TMEM209: variants seen among roughly 807,000 people sequenced by gnomAD.
TMEM209 encodes testicular tissue protein Li 202.
Under a neutral mutation model 76.2 loss-of-function variants are expected in TMEM209, and 65 were observed. The ratio of observed to expected loss-of-function variants is 0.85; its 90% CI spans 0.70 to 1.05. The LOEUF (loss-of-function observed/expected upper bound fraction) is 1.05, where lower values mean the gene tolerates loss of function less well. Among genes scored for constraint, TMEM209 ranks in the 50% least tolerant of loss-of-function variants. The probability of loss-of-function intolerance (pLI) is 0.00; values close to 1 mark genes in which losing one functional copy is unlikely to be tolerated. For missense variants in TMEM209, 623 were observed against 685.5 expected (o/e 0.91, Z 1.02); for synonymous variants, 239 against 237.6 (o/e 1.01, Z -0.06).
At chr7:130,205,244 C>G in intron 1 of TMEM209, 129 bp downstream of exon 1, 1 of 1,605,226 alleles carries the variant, frequency 6.2e-7, no homozygotes, top group African/African-American at 1.3e-5. Flanking sequence ...TTCTTCCCTT[C>G]CCCTAGAGAG....
At chr7:130,189,618 G>A (rs1797725578) in intron 6 of TMEM209, among the ~76,000 whole-genome samples, 1 of 152,198 alleles carries the variant, frequency 6.6e-6, no homozygotes, top group African/African-American at 2.4e-5. Context: ...GTGTGCATGA[G>A]AGAGAGAATA....
chr7:130,171,034 G>A (rs977309736), intron 13 of TMEM209, among the ~76,000 whole-genome samples: 1 of 151,768 alleles, frequency 6.6e-6, no homozygotes, highest in East Asian at 1.9e-4. Context: ...TGAAAGATGA[G>A]CAGAAAGGTA....
chr7:130,175,488 G>A (rs1797202436), intron 11 of TMEM209, 24 bp downstream of exon 11: 8 of 1,594,252 alleles, frequency 5.0e-6, no homozygotes, highest in Non-Finnish European at 6.8e-6. Flanking sequence ...ATAAATAAAT[G>A]AATGAAAGAA....
intron 10 of TMEM209, among the ~76,000 whole-genome samples, chr7:130,175,954 T>G (rs1797221663): frequency 6.6e-6 from 1 of 152,174 alleles, no homozygotes; most frequent in Admixed American, 6.5e-5. Context: ...ATGTTCTTAC[T>G]TTTAGGAGAA....
chr7:130,188,644 C>T (rs1255827841), intron 6 of TMEM209, among the ~76,000 whole-genome samples: 1 of 149,814 alleles, frequency 6.7e-6, no homozygotes, highest in Non-Finnish European at 1.5e-5. Context: ...TTATAATCAC[C>T]ACTTTATCAA....
chr7:130,169,909 TAC>T (rs972815350), intron 14 of TMEM209, among the ~76,000 whole-genome samples: 2 of 152,310 alleles, frequency 1.3e-5, no homozygotes, highest in Non-Finnish European at 2.9e-5. Context: ...ATGACAATAC[TAC>T]AATTTTGAAT....
In TMEM209 at chr7:130,173,742, G is replaced by C; in HGVS notation, c.1460-13C>G. ...TCATTTGTAACATCTGTAAAGGAAG[G>C]CAATATGCTGCATTAAAAAACCAAA... On this transcript the variant is annotated splice_polypyrimidine_tract_variant and intron_variant, in intron 12 of 14. Transcript: ENST00000397622. 1 of 1,610,710 alleles carries C rather than the reference G, an allele frequency of 6.2e-7. No individual in the cohort carries two copies.
intron 10 of TMEM209, among the ~76,000 whole-genome samples, chr7:130,176,952 G>GACTGC (rs1269996132): frequency 6.8e-6 from 1 of 147,442 alleles, no homozygotes; most frequent in Non-Finnish European, 1.5e-5. Context: ...AGGAGTTCAA[G>GACTGC]ACTGCAAGGA....
At chr7:130,186,204 TTATAAA>T (rs1197454466) in intron 6 of TMEM209, among the ~76,000 whole-genome samples, 1 of 152,204 alleles carries the variant, frequency 6.6e-6, no homozygotes, top group East Asian at 1.9e-4. Flanking sequence ...CAAACAAAAC[TTATAAA>T]TAGAAACAAT....
At chr7:130,204,747 T>C (rs924969791) in intron 1 of TMEM209, among the ~76,000 whole-genome samples, 5 of 152,266 alleles carry the variant, frequency 3.3e-5, no homozygotes, top group African/African-American at 1.2e-4. Context: ...CTTTGGGGTA[T>C]GTTACACGGA....
intron 11 of TMEM209, 198 bp downstream of exon 11, chr7:130,175,314 T>A: frequency 2.2e-6 from 1 of 460,558 alleles, no homozygotes; most frequent in Non-Finnish European, 3.8e-6. Context: ...ATTAAAAAAA[T>A]TAGCTGGGTG....
At position 130,165,552 on chromosome 7, in the gene TMEM209, TAA is replaced by T. The variant is rs1796854101; in HGVS notation, c.*897_*898del. On this transcript the variant is annotated 3_prime_UTR_variant, in exon 15 of 15. Coordinates refer to ENST00000397622, the MANE Select transcript of TMEM209 (RefSeq NM_032842.4). Reference sequence around the variant, plus strand: ...TTAAAACTACCAGCTAAATTTAATCTAAGTGTTGACTTTTTAAATGTCAATAC... The same window carrying T: ...TTAAAACTACCAGCTAAATTTAATCTGTGTTGACTTTTTAAATGTCAATAC... 6.6e-6 allele frequency: 1 copy of T among 152,186 alleles called. No homozygotes were observed. Among genetic ancestry groups the T allele is most frequent in the Admixed American group, 6.5e-5 (1 of 15,282 alleles). 9.4% of individuals were successfully genotyped at this position (152,186 alleles called of 1,614,324 possible). A position where few individuals can be genotyped will look rare whatever the true frequency, so the allele number is the denominator to read the frequency against.
chr7:130,198,980 G>A (rs1798091933), intron 5 of TMEM209, among the ~76,000 whole-genome samples: 1 of 152,088 alleles, frequency 6.6e-6, no homozygotes, highest in Admixed American at 6.6e-5. Context: ...TAATGCTAAA[G>A]TCTTCCAATA....
chr7:130,182,146 T>G (rs1339996875), intron 8 of TMEM209: 1 of 160,762 alleles, frequency 6.2e-6, no homozygotes, highest in African/African-American at 2.4e-5. Context: ...TTCACCATGT[T>G]GGCCAGGCTG....
intron 1 of TMEM209, chr7:130,204,817 T>C: frequency 8.9e-6 from 5 of 564,730 alleles, no homozygotes; most frequent in Non-Finnish European, 1.1e-5. Context: ...CTATATTCCA[T>C]ATCTGCTGTA....
chr7:130,166,880 G>T (rs918272806), intron 14 of TMEM209, among the ~76,000 whole-genome samples: 3 of 152,116 alleles, frequency 2.0e-5, no homozygotes, highest in African/African-American at 7.2e-5. Context: ...TACTTGATTT[G>T]AATTAGGAAT....
chr7:130,193,527 G>A (rs1299020057), intron 5 of TMEM209, among the ~76,000 whole-genome samples: 1 of 150,130 alleles, frequency 6.7e-6, no homozygotes, highest in Non-Finnish European at 1.5e-5. Context: ...CAATAAAAGC[G>A]AAACTCCATC....
chr7:130,202,118 G>T, intron 4 of TMEM209, 27 bp from the exon 5 acceptor site: 8 of 1,577,766 alleles, frequency 5.1e-6, no homozygotes, highest in Non-Finnish European at 6.0e-6. Flanking sequence ...AGCAACATAT[G>T]TGTATGTACC....
intron 5 of TMEM209, chr7:130,199,853 A>G (rs1428373050): frequency 2.0e-5 from 3 of 152,182 alleles, no homozygotes; most frequent in Non-Finnish European, 2.9e-5. Flanking sequence ...GTCAGTCCAC[A>G]ATGAAACTGC....
Sources: allele counts gnomAD v4.1 joint callset (sites outside exome capture counted in the v4.1 genomes callset), GRCh38; gene constraint gnomAD v4.1.1; transcripts MANE v1.5; gene names NCBI Gene and HGNC (gene_info 2026-07-23, HGNC 2026-07-21).